The following TSG101 variants were observed in gnomAD, a reference collection of about 807,000 sequenced individuals.
TSG101 encodes tumor susceptibility 101.
TSG101 carries 19 observed loss-of-function variants against 48.5 expected under a neutral mutation model. That is an observed-to-expected ratio of 0.39 (90% CI 0.27 to 0.58). TSG101 has a LOEUF of 0.58. Among genes scored for constraint, TSG101 ranks in the 20% least tolerant of loss-of-function variants. The pLI, the probability that TSG101 is intolerant of heterozygous loss-of-function variation, is 0.55. For synonymous variants in TSG101, 174 were observed against 169.4 expected (o/e 1.03, Z -0.21); for missense variants, 365 against 484.4 (o/e 0.75, Z 2.31).
At chr11:18,517,670 T>C (rs1458251889) in intron 2 of TSG101, among the ~76,000 whole-genome samples, 4 of 152,238 alleles carry the variant, frequency 2.6e-5, no homozygotes, top group Non-Finnish European at 5.9e-5. Context: ...GTATAGGTTG[T>C]AGCCTAGGAG....
chr11:18,509,148 C>T (rs1207732294), intron 5 of TSG101, among the ~76,000 whole-genome samples: 2 of 152,198 alleles, frequency 1.3e-5, no homozygotes, highest in African/African-American at 4.8e-5. Context: ...CTTCAGTTGA[C>T]CTTAATCCTT....
intron 7 of TSG101, among the ~76,000 whole-genome samples, chr11:18,485,346 C>A (rs927346908): frequency 6.6e-6 from 1 of 152,186 alleles, no homozygotes; most frequent in East Asian, 1.9e-4. Flanking sequence ...TCTCTCTTAA[C>A]AGTTATCACT....
intron 7 of TSG101, among the ~76,000 whole-genome samples, chr11:18,487,529 C>T (rs142496923): frequency 1.2e-3 from 188 of 152,174 alleles, no homozygotes; most frequent in Non-Finnish European, 2.4e-3. Flanking sequence ...TTTCTGTAAC[C>T]ATTAAAATTT....
chr11:18,498,723 T>C (rs927063720), intron 7 of TSG101, among the ~76,000 whole-genome samples: 1 of 152,024 alleles, frequency 6.6e-6, no homozygotes, highest in East Asian at 1.9e-4. Flanking sequence ...GGCACAGAGA[T>C]GGTATTTAAA....
chr11:18,526,377 G>T (rs998897985), intron 1 of TSG101, among the ~76,000 whole-genome samples: 3 of 152,228 alleles, frequency 2.0e-5, no homozygotes, highest in African/African-American at 4.8e-5. Context: ...AAGACTGGAG[G>T]ATCCCTAGAT....
At chr11:18,499,728 T>C (rs975046665) in intron 7 of TSG101, among the ~76,000 whole-genome samples, 5 of 151,890 alleles carry the variant, frequency 3.3e-5, no homozygotes, top group Non-Finnish European at 5.9e-5. Flanking sequence ...TTTTTTTAGA[T>C]ACATAATATT....
chr11:18,484,212 C>T, intron 7 of TSG101, 140 bp from the exon 8 acceptor site: 2 of 756,644 alleles, frequency 2.6e-6, no homozygotes, highest in Non-Finnish European at 4.3e-6. Context: ...TTACCAGTTT[C>T]ATGAGAAATA....
At position 18,521,670 on chromosome 11, in the gene TSG101, CTTTTTTTTTTTTTTT is replaced by C. The variant is rs869176661; in HGVS notation, c.43-2082_43-2068del. ...ATGAACCACTGCACCTGGCCCCTTC[CTTTTTTTTTTTTTTT>C]TTTTTTTTTTTGAGACAGCATGTGG... On this transcript the variant is annotated intron_variant, in intron 1 of 9. Coordinates refer to ENST00000251968, the MANE Select transcript of TSG101 (RefSeq NM_006292.4). Among the ~76,000 whole-genome samples the C allele has an allele frequency of 7.4e-3, 494 of 66,766 alleles. 5 individuals carry two copies. The highest frequency in any genetic ancestry group is 0.026 in the African/African-American group (450 of 17,298). The allele number at this position is 66,766 out of a possible 152,430, so 43.8% of individuals were successfully genotyped here.
At chr11:18,518,364 A>G (rs1240273669) in intron 2 of TSG101, among the ~76,000 whole-genome samples, 1 of 152,224 alleles carries the variant, frequency 6.6e-6, no homozygotes, top group East Asian at 1.9e-4. Flanking sequence ...AGTCTCAGCT[A>G]CAAAATTCAG....
intron 7 of TSG101, among the ~76,000 whole-genome samples, chr11:18,489,113 C>CAAA (rs201368614): frequency 8.0e-6 from 1 of 125,330 alleles, no homozygotes; most frequent in Non-Finnish European, 1.7e-5. Flanking sequence ...GACTCCATCT[C>CAAA]AAAAAAAAAA....
At chr11:18,513,892 T>C (rs888493046) in intron 4 of TSG101, among the ~76,000 whole-genome samples, 10 of 152,120 alleles carry the variant, frequency 6.6e-5, no homozygotes, top group Non-Finnish European at 1.2e-4. Flanking sequence ...CTCACCAACA[T>C]GGTGAAACCC....
Position 18,507,015 on chromosome 11 carries a change from C to T in TSG101, c.482-92G>A, listed in dbSNP as rs971405549. On this transcript the variant is annotated intron_variant, in intron 5 of 9. Coordinates refer to ENST00000251968, the MANE Select transcript of TSG101 (RefSeq NM_006292.4). ...AGATATACATCACACTGTCAATACACAGCAAAATTTCACAGTTAAAAAATC... is the reference window on the plus strand; with the variant it reads ...AGATATACATCACACTGTCAATACATAGCAAAATTTCACAGTTAAAAAATC... The T allele has an allele frequency of 4.4e-5, 43 of 971,572 alleles. No individual in the cohort carries two copies. The African/African-American group carries it at 6.3e-4, about 14-fold the overall frequency. 60.2% of individuals were successfully genotyped at this position (971,572 alleles called of 1,614,324 possible).
rs1198582540 is a variant in TSG101 at position 18,526,831 on chromosome 11, G to A, written c.-15C>T. On this transcript the variant is annotated 5_prime_UTR_variant, in exon 1 of 10. Coordinates refer to ENST00000251968, the MANE Select transcript of TSG101 (RefSeq NM_006292.4). ...GACACCGCCATGACGGCCGCCTGGC[G>A]ACTCCCTTCCCCGCAGGCAGAGGGT... 6.2e-7 allele frequency: 1 copy of A among 1,600,452 alleles called. No homozygotes were observed. Among genetic ancestry groups the A allele is most frequent in the South Asian group, 1.1e-5 (1 of 90,566 alleles).
intron 1 of TSG101, among the ~76,000 whole-genome samples, chr11:18,520,002 C>G (rs1268585517): frequency 6.6e-6 from 1 of 152,146 alleles, no homozygotes; most frequent in African/African-American, 2.4e-5. Context: ...TAACCACCAC[C>G]ATAATCAACT....
At position 18,521,591 on chromosome 11, in the gene TSG101, ACTC is replaced by A. The variant is rs1282490650; in HGVS notation, c.43-1991_43-1989del. Among the ~76,000 whole-genome samples, 9 of 146,238 alleles carry A rather than the reference ACTC, an allele frequency of 6.2e-5. No individual in the cohort carries two copies. In the East Asian group the frequency reaches 1.8e-3, roughly 29 times the overall value. On this transcript the variant is annotated intron_variant, in intron 1 of 9. Transcript: ENST00000251968. Reference sequence around the variant, plus strand: ...ACTATGTTGCCCAAGCTGTTCTCAAACTCCTGGAAGTGATCCTCTCAACTCAGC... The same window carrying A: ...ACTATGTTGCCCAAGCTGTTCTCAAACTGGAAGTGATCCTCTCAACTCAGC...
intron 1 of TSG101, among the ~76,000 whole-genome samples, chr11:18,523,499 TTTTA>T (rs1362641308): frequency 5.3e-5 from 8 of 152,122 alleles, no homozygotes; most frequent in African/African-American, 1.7e-4. Context: ...ATTTTATTAT[TTTTA>T]TTTATTTATT....
At chr11:18,501,314 A>G (rs1279549051) in intron 7 of TSG101, among the ~76,000 whole-genome samples, 3 of 152,070 alleles carry the variant, frequency 2.0e-5, no homozygotes, top group African/African-American at 7.2e-5. Flanking sequence ...ATAGGGGTCC[A>G]GTTTTCATTC....
At chr11:18,503,926 G>A (rs1849927960) in intron 6 of TSG101, among the ~76,000 whole-genome samples, 1 of 152,124 alleles carries the variant, frequency 6.6e-6, no homozygotes, top group Non-Finnish European at 1.5e-5. Context: ...AGCCCAGGCT[G>A]GGTGCAGTGG....
Position 18,494,026 on chromosome 11 carries a change from T to A in TSG101, c.640+8460A>T, listed in dbSNP as rs921035400. Among the ~76,000 whole-genome samples the A allele has an allele frequency of 3.3e-5, 5 of 152,128 alleles. No homozygotes were observed. The Middle Eastern group carries it at 0.014, about 414-fold the overall frequency. On this transcript the variant is annotated intron_variant, in intron 7 of 9. Transcript: ENST00000251968. Reference sequence around the variant, plus strand: ...TATCAACACAATCAATAAGAAAAAATTTAAAGAAAGCTATCAGCAGGTTTA... The same window carrying A: ...TATCAACACAATCAATAAGAAAAAAATTAAAGAAAGCTATCAGCAGGTTTA...
Sources: gnomAD v4.1 joint callset for allele counts (sites outside exome capture counted in the v4.1 genomes callset) on GRCh38, gnomAD v4.1.1 for gene constraint, MANE v1.5 for transcripts, NCBI Gene and HGNC (gene_info 2026-07-23, HGNC 2026-07-21) for gene names.